The following PCDH15 variants were observed in gnomAD, a reference collection of about 807,000 sequenced individuals.
PCDH15 encodes the protein protocadherin related 15, also known as protocadherin-15.
Under a neutral mutation model 178.5 loss-of-function variants are expected in PCDH15, and 129 were observed. The observed-to-expected ratio is 0.72, with a 90% CI of 0.63 to 0.84. The LOEUF (loss-of-function observed/expected upper bound fraction) is 0.84, where lower values mean the gene tolerates loss of function less well. Ranked by LOEUF, PCDH15 falls within the 40% of genes least tolerant of loss-of-function variation. The pLI is 0.00. For missense variants in PCDH15, 2,230 were observed against 2,099.9 expected (o/e 1.06, Z -1.21); for synonymous variants, 800 against 732.0 (o/e 1.09, Z -1.50).
chr10:55,452,598 T>C (rs532705322), intron 2 of PCDH15, among the ~76,000 whole-genome samples: 3 of 152,194 alleles, frequency 2.0e-5, no homozygotes, highest in Admixed American at 2.0e-4. Context: ...TTTGTTCTTT[T>C]ATGGTGTATA....
intron 2 of PCDH15, among the ~76,000 whole-genome samples, chr10:55,337,112 T>A (rs891755457): frequency 1.8e-4 from 27 of 152,040 alleles, no homozygotes; most frequent in African/African-American, 4.8e-4. Flanking sequence ...TAAGGCAGAG[T>A]CTGGTATTTC....
chr10:55,062,127 C>G (rs1186007836), intron 2 of PCDH15, among the ~76,000 whole-genome samples: 2 of 152,228 alleles, frequency 1.3e-5, no homozygotes, highest in Admixed American at 6.6e-5. Flanking sequence ...AATATTAAAT[C>G]CTTACCCCAA....
At chr10:54,827,242 G>C (rs1953147740) in intron 3 of PCDH15, among the ~76,000 whole-genome samples, 1 of 152,086 alleles carries the variant, frequency 6.6e-6, no homozygotes, top group Non-Finnish European at 1.5e-5. Context: ...CACTCAGTAT[G>C]AAGTCTCTCC....
chr10:54,117,790 G>A (rs371281410), intron 15 of PCDH15, among the ~76,000 whole-genome samples: 7 of 152,130 alleles, frequency 4.6e-5, no homozygotes, highest in Non-Finnish European at 1.0e-4. Flanking sequence ...CCCTCGTGGA[G>A]AGGAGACCCA....
intron 2 of PCDH15, among the ~76,000 whole-genome samples, chr10:54,661,315 A>T (rs943504084): frequency 1.3e-5 from 2 of 152,042 alleles, no homozygotes; most frequent in African/African-American, 4.8e-5. Flanking sequence ...AAAATAAAAT[A>T]TCTAGAAATA....
At chr10:53,959,232 TATAA>T (rs1175803696) in intron 23 of PCDH15, among the ~76,000 whole-genome samples, 4 of 145,540 alleles carry the variant, frequency 2.7e-5, no homozygotes, top group African/African-American at 1.0e-4. Context: ...ACACAGTATA[TATAA>T]ATACACACAC....
rs988871268 is a variant in PCDH15, at chr10:54,134,086, C to G, written c.1785-1079G>C. ...TGAGACGGAGAGTTGCTCTCCAGCC[C>G]AGGCTGGAGTGCAGTGGCATGATCT... On this transcript the variant is annotated intron_variant, in intron 14 of 37. Coordinates refer to ENST00000644397, the MANE Select transcript of PCDH15 (RefSeq NM_001384140.1). Among the ~76,000 whole-genome samples the G allele has an allele frequency of 3.0e-5, 4 of 134,528 alleles. 1 individual carries two copies. The highest frequency in any genetic ancestry group is 1.0e-4 in the African/African-American group (4 of 39,030). 88.3% of individuals were successfully genotyped at this position (134,528 alleles called of 152,430 possible). A position where few individuals can be genotyped will look rare whatever the true frequency, so the allele number is the denominator to read the frequency against.
rs146338856 is a variant in PCDH15, at chr10:54,668,316, A to G, written c.-28-4026T>C. ...TGTTAAAATGTAATAAGTGACATGA[A>G]AATAGCAGCTAGCATTTCAAAACTG... On this transcript the variant is annotated intron_variant, in intron 1 of 37. Transcript: ENST00000644397. 6.0e-3 allele frequency among the ~76,000 whole-genome samples: 914 copies of G among 152,302 alleles called. 11 individuals are homozygous for G. Among genetic ancestry groups the G allele is most frequent in the African/African-American group, 0.021 (868 of 41,572 alleles).
intron 25 of PCDH15, among the ~76,000 whole-genome samples, chr10:53,920,201 C>A (rs2083881843): frequency 6.6e-6 from 1 of 151,986 alleles, no homozygotes; most frequent in Non-Finnish European, 1.5e-5. Flanking sequence ...AAACTGTAGA[C>A]AAACAATAAG....
At chr10:55,434,312 T>TC (rs930611486) in intron 2 of PCDH15, among the ~76,000 whole-genome samples, 1 of 151,930 alleles carries the variant, frequency 6.6e-6, no homozygotes, top group Admixed American at 6.6e-5. Context: ...CTCCTTGGCC[T>TC]CCCAAAGTGC....
At chr10:55,581,395 T>C (rs1246346527) in intron 2 of PCDH15, among the ~76,000 whole-genome samples, 3 of 151,150 alleles carry the variant, frequency 2.0e-5, no homozygotes, top group East Asian at 2.0e-4. Flanking sequence ...CATTGAAACA[T>C]TGAAAATGTT....
chr10:55,539,084 C>A (rs1415094799), intron 2 of PCDH15, among the ~76,000 whole-genome samples: 1 of 143,900 alleles, frequency 6.9e-6, no homozygotes, highest in Non-Finnish European at 1.5e-5. Flanking sequence ...GGCTTCCTTC[C>A]TCCCTTCCTT....
chr10:54,855,026 A>G (rs1264524037), intron 3 of PCDH15, among the ~76,000 whole-genome samples: 1 of 152,202 alleles, frequency 6.6e-6, no homozygotes, highest in African/African-American at 2.4e-5. Flanking sequence ...GTCACTGGCC[A>G]AAGTTTGGAA....
intron 8 of PCDH15, among the ~76,000 whole-genome samples, chr10:54,296,350 G>A (rs1238665634): frequency 6.6e-6 from 1 of 151,788 alleles, no homozygotes; most frequent in African/African-American, 2.4e-5. Context: ...CAGCTCCAGG[G>A]TCCCAACAAC....
At chr10:54,850,068 A>C (rs1953588361) in intron 3 of PCDH15, among the ~76,000 whole-genome samples, 1 of 152,108 alleles carries the variant, frequency 6.6e-6, no homozygotes, top group Non-Finnish European at 1.5e-5. Context: ...AAATTCTTTA[A>C]ATTTTGAAAA....
At chr10:53,940,021 C>T (rs1488647140) in intron 24 of PCDH15, among the ~76,000 whole-genome samples, 3 of 152,094 alleles carry the variant, frequency 2.0e-5, no homozygotes, top group South Asian at 2.1e-4. Context: ...CTACACTACA[C>T]GGGCAGCAAT....
chr10:54,590,149 A>C (rs2091785813), intron 2 of PCDH15, among the ~76,000 whole-genome samples: 1 of 152,190 alleles, frequency 6.6e-6, no homozygotes, highest in African/African-American at 2.4e-5. Context: ...TATTCCATTT[A>C]GTGAACTTTT....
intron 16 of PCDH15, among the ~76,000 whole-genome samples, chr10:54,087,732 G>C (rs72797011): frequency 0.2 from 29,806 of 152,170 alleles, 3,182 homozygotes; most frequent in Non-Finnish European, 0.25. Context: ...CCAAAGTGTA[G>C]TCATAGTTTG....
intron 3 of PCDH15, among the ~76,000 whole-genome samples, chr10:54,891,467 A>T (rs1209916360): frequency 6.6e-6 from 1 of 152,120 alleles, no homozygotes; most frequent in Non-Finnish European, 1.5e-5. Context: ...GATGGTGAAT[A>T]AAAGTGTGGT....
Sources: allele counts gnomAD v4.1 joint callset (sites outside exome capture counted in the v4.1 genomes callset), GRCh38; gene constraint gnomAD v4.1.1; transcripts MANE v1.5; gene names NCBI Gene and HGNC (gene_info 2026-07-23, HGNC 2026-07-21).